OR51E2: variants seen among roughly 807,000 people sequenced by gnomAD.
OR51E2 encodes the protein olfactory receptor 51E2.
A neutral mutation model predicts 13.7 loss-of-function variants in OR51E2; 14 were observed. The observed-to-expected ratio is 1.02, with a 90% CI of 0.68 to 1.60. The LOEUF (loss-of-function observed/expected upper bound fraction) is 1.60, where lower values mean the gene tolerates loss of function less well. OR51E2 is among the 40% of genes most tolerant of loss of function. The pLI is 0.00. For synonymous variants in OR51E2, 180 were observed against 157.6 expected (o/e 1.14, Z -1.07); for missense variants, 483 against 413.8 (o/e 1.17, Z -1.45).
At chr11:4,684,807 C>A (rs1505194) in intron 1 of OR51E2, among the ~76,000 whole-genome samples, 97,281 of 151,922 alleles carry the variant, frequency 0.64, 31,432 homozygotes, top group East Asian at 0.78. Context: ...TGGCATCCTG[C>A]CTAAAGTAGA....
intron 1 of OR51E2, among the ~76,000 whole-genome samples, chr11:4,692,651 T>C (rs560983765): frequency 2.6e-5 from 4 of 151,626 alleles, no homozygotes; most frequent in Admixed American, 2.6e-4. Flanking sequence ...AAAACAGAGA[T>C]TAGGGTTGTG....
intron 1 of OR51E2, chr11:4,685,743 C>T (rs1847507217): frequency 6.6e-6 from 1 of 152,142 alleles, no homozygotes; most frequent in Non-Finnish European, 1.5e-5. Flanking sequence ...CAAAGGCTTA[C>T]AATGTTATAA....
intron 1 of OR51E2, among the ~76,000 whole-genome samples, chr11:4,693,459 C>G (rs529848806): frequency 6.6e-6 from 1 of 152,254 alleles, no homozygotes. Flanking sequence ...CGGTGGCTCA[C>G]GCCTGTAGTC....
intron 1 of OR51E2, among the ~76,000 whole-genome samples, chr11:4,687,348 T>A (rs1180042415): frequency 6.6e-6 from 1 of 152,172 alleles, no homozygotes; most frequent in Non-Finnish European, 1.5e-5. Flanking sequence ...TACTCTTACC[T>A]ACATTCATTC....
chr11:4,687,108 C>CA (rs1847525604), intron 1 of OR51E2, among the ~76,000 whole-genome samples: 1 of 152,044 alleles, frequency 6.6e-6, no homozygotes, highest in Non-Finnish European at 1.5e-5. Context: ...AACAAATAAA[C>CA]AAAAAATCTA....
chr11:4,682,670 A>C lies in OR51E2; in HGVS notation c.42T>G (p.Ile14Met), dbSNP rs779197970. 6.2e-7 allele frequency: 1 copy of C among 1,614,192 alleles called. No individual in the cohort carries two copies. Among genetic ancestry groups the C allele is most frequent in the Admixed American group, 1.7e-5 (1 of 60,026 alleles). Residue 14 changes from isoleucine (I) to methionine (M), a missense_variant, in exon 2 of 2, where the codon ATT becomes ATG. Coordinates refer to ENST00000396950, the MANE Select transcript of OR51E2 (RefSeq NM_030774.4). ...CNFTHATFVL[I>M]GIPGLEKAHF... is the part of the protein sequence containing the mutation. Reference sequence around the variant, plus strand: ...GGGCTTTCTCTAATCCTGGGATACCAATAAGCACAAAGGTGGCATGTGTGA... The same window carrying C: ...GGGCTTTCTCTAATCCTGGGATACCCATAAGCACAAAGGTGGCATGTGTGA...
At chr11:4,691,893 G>C (rs867618181) in intron 1 of OR51E2, among the ~76,000 whole-genome samples, 1 of 152,176 alleles carries the variant, frequency 6.6e-6, no homozygotes, top group Non-Finnish European at 1.5e-5. Flanking sequence ...GGGCACTTTG[G>C]TTTGTTTTTG....
chr11:4,684,448 T>A (rs538831307), intron 1 of OR51E2, among the ~76,000 whole-genome samples: 27 of 152,230 alleles, frequency 1.8e-4, no homozygotes, highest in African/African-American at 6.5e-4. Context: ...GGGACAGAAC[T>A]AAGGAACCTT....
At chr11:4,684,014 G>A (rs1386778233) in intron 1 of OR51E2, among the ~76,000 whole-genome samples, 1 of 152,188 alleles carries the variant, frequency 6.6e-6, no homozygotes, top group Non-Finnish European at 1.5e-5. Context: ...AGTTCTTACT[G>A]CAGCTGGGAG....
At chr11:4,688,835 G>A (rs1353780029) in intron 1 of OR51E2, among the ~76,000 whole-genome samples, 1 of 152,168 alleles carries the variant, frequency 6.6e-6, no homozygotes, top group Admixed American at 6.5e-5. Flanking sequence ...ATGTAGCATC[G>A]GGGTGATAGA....
intron 1 of OR51E2, among the ~76,000 whole-genome samples, chr11:4,684,163 G>T (rs2133245773): frequency 6.6e-6 from 1 of 152,330 alleles, no homozygotes; most frequent in South Asian, 2.1e-4. Flanking sequence ...TTTGGGGTTT[G>T]AAGGTTACAA....
chr11:4,684,859 T>C (rs1162399952), intron 1 of OR51E2, among the ~76,000 whole-genome samples: 2 of 152,178 alleles, frequency 1.3e-5, no homozygotes, highest in African/African-American at 4.8e-5. Flanking sequence ...TGGGTCCGAA[T>C]GTGACTGTTG....
At chr11:4,696,576 A>C in intron 1 of OR51E2, among the ~76,000 whole-genome samples, 1 of 152,168 alleles carries the variant, frequency 6.6e-6, no homozygotes, top group East Asian at 1.9e-4. Flanking sequence ...TTTATATTCA[A>C]GACAAGAGGG....
At chr11:4,688,837 G>T (rs577008094) in intron 1 of OR51E2, among the ~76,000 whole-genome samples, 18 of 152,180 alleles carry the variant, frequency 1.2e-4, no homozygotes, top group Non-Finnish European at 2.1e-4. Context: ...GTAGCATCGG[G>T]GTGATAGAAA....
At chr11:4,691,408 A>G (rs1290195124) in intron 1 of OR51E2, 2 of 457,782 alleles carry the variant, frequency 4.4e-6, no homozygotes, top group African/African-American at 4.0e-5. Flanking sequence ...TGGGACAAGC[A>G]GGCATTAAAG....
chr11:4,695,034 G>C (rs918643940), intron 1 of OR51E2, among the ~76,000 whole-genome samples: 2 of 152,174 alleles, frequency 1.3e-5, no homozygotes, highest in Non-Finnish European at 2.9e-5. Context: ...AACTACAAGA[G>C]AAGGGGTATA....
intron 1 of OR51E2, among the ~76,000 whole-genome samples, chr11:4,689,904 T>A (rs944208086): frequency 3.3e-5 from 5 of 151,112 alleles, no homozygotes; most frequent in African/African-American, 7.3e-5. Flanking sequence ...TGGTTTTTTT[T>A]AATTAATTTT....
At chr11:4,687,649 C>T (rs1589873278) in intron 1 of OR51E2, among the ~76,000 whole-genome samples, 1 of 152,150 alleles carries the variant, frequency 6.6e-6, no homozygotes. Flanking sequence ...GGACCAGACA[C>T]TATAGATAGA....
intron 1 of OR51E2, among the ~76,000 whole-genome samples, chr11:4,694,416 C>T (rs574426972): frequency 2.6e-4 from 40 of 151,768 alleles, no homozygotes; most frequent in Non-Finnish European, 5.4e-4. Flanking sequence ...GCCAATAACT[C>T]CACTTTAGCT....
Sources: allele counts gnomAD v4.1 joint callset (sites outside exome capture counted in the v4.1 genomes callset), GRCh38; gene constraint gnomAD v4.1.1; transcripts MANE v1.5; gene names NCBI Gene and HGNC (gene_info 2026-07-23, HGNC 2026-07-21).